POLN: variants seen among roughly 807,000 people sequenced by gnomAD.
POLN encodes the protein DNA polymerase nu.
In POLN, 108 loss-of-function variants were observed where a neutral mutation model predicts 113.5. The ratio of observed to expected loss-of-function variants is 0.95; its 90% CI spans 0.81 to 1.12. The LOEUF (loss-of-function observed/expected upper bound fraction) is 1.12, where lower values mean the gene tolerates loss of function less well. Among genes scored for constraint, POLN ranks in the 50% most tolerant of loss-of-function variants. The probability of loss-of-function intolerance (pLI) is 0.00; values close to 1 mark genes in which losing one functional copy is unlikely to be tolerated. For synonymous variants in POLN, 386 were observed against 391.5 expected (o/e 0.99, Z 0.17); for missense variants, 1,097 against 1,077.1 (o/e 1.02, Z -0.26).
intron 2 of POLN, chr4:2,239,092 A>C (rs771935271): frequency 1.0e-6 from 1 of 993,234 alleles, no homozygotes. Context: ...CTAAATTTGA[A>C]ATCATCTTAA....
In POLN at chr4:2,208,455, T is replaced by C. The variant is rs775822620; in HGVS notation, c.246A>G (p.Arg82=). The C allele has an allele frequency of 1.9e-6, 3 of 1,563,582 alleles. No homozygotes were observed. The highest frequency in any genetic ancestry group is 2.6e-6 in the Non-Finnish European group (3 of 1,161,856). ...ACTGAGGAGACAGCTTGGCAGAACC[T>C]CTTGATGTCTGACTTCTTAAAGATT... The part of the protein sequence containing the change: ...DLKSLRSQTS[R]GSAKLSPQSF... The change falls in exon 5 of 26, where the codon AGA becomes AGG. Residue 82 remains arginine, a synonymous_variant. Coordinates refer to ENST00000511885, the MANE Select transcript of POLN (RefSeq NM_181808.4).
intron 4 of POLN, among the ~76,000 whole-genome samples, chr4:2,211,216 T>G (rs1733984951): frequency 6.7e-6 from 1 of 148,244 alleles, no homozygotes; most frequent in Non-Finnish European, 1.5e-5. Context: ...ACCACTGCAC[T>G]CCAGTGCAGG....
chr4:2,072,011 CA>C lies in POLN; in HGVS notation c.*102del. On this transcript the variant is annotated 3_prime_UTR_variant, in exon 26 of 26. Transcript: ENST00000511885. The stretch of plus-strand genomic sequence containing the variant: ...AGGGGATGGCGGGCCACCCCAGCCC[CA>C]AAGGGTTAATGCGTCCTGGGGCGTA... 1 of 1,361,402 alleles carries C rather than the reference CA, an allele frequency of 7.3e-7. No homozygotes were observed. Among genetic ancestry groups the C allele is most frequent in the Non-Finnish European group, 1.1e-6 (1 of 951,354 alleles). 84.3% of individuals were successfully genotyped at this position (1,361,402 alleles called of 1,614,324 possible). A position where few individuals can be genotyped will look rare whatever the true frequency, so the allele number is the denominator to read the frequency against.
At chr4:2,086,253 T>C in intron 20 of POLN, among the ~76,000 whole-genome samples, 1 of 152,120 alleles carries the variant, frequency 6.6e-6, no homozygotes, top group South Asian at 2.1e-4. Context: ...GGCAGACGGA[T>C]CACTTGAGGC....
chr4:2,072,317 A>G lies in POLN; in HGVS notation c.2518-18T>C. 6.5e-7 allele frequency: 1 copy of G among 1,528,110 alleles called. No individual in the cohort carries two copies. The highest frequency in any genetic ancestry group is 1.3e-5 in the South Asian group (1 of 79,886). 94.7% of individuals were successfully genotyped at this position (1,528,110 alleles called of 1,614,324 possible). A position where few individuals can be genotyped will look rare whatever the true frequency, so the allele number is the denominator to read the frequency against. On this transcript the variant is annotated intron_variant, in intron 25 of 25. Coordinates refer to ENST00000511885, the MANE Select transcript of POLN (RefSeq NM_181808.4). ...AGGGGTACCTGCAGGTGGCAGCCAGAGGTGAGCCCCACGCCTGGGCCAGCC... is the reference window on the plus strand; with the variant it reads ...AGGGGTACCTGCAGGTGGCAGCCAGGGGTGAGCCCCACGCCTGGGCCAGCC...
intron 19 of POLN, among the ~76,000 whole-genome samples, chr4:2,105,267 C>T (rs1264866304): frequency 6.6e-6 from 1 of 152,116 alleles, no homozygotes; most frequent in Non-Finnish European, 1.5e-5. Flanking sequence ...GAGTCTGGAC[C>T]TTTTTATCAT....
chr4:2,162,749 G>A (rs1732630924), intron 13 of POLN, among the ~76,000 whole-genome samples: 1 of 151,936 alleles, frequency 6.6e-6, no homozygotes, highest in Admixed American at 6.6e-5. Context: ...GAGCCACCAT[G>A]CCCGGCCCGA....
Position 2,081,731 on chromosome 4 carries a change from G to C in POLN, c.2210C>G (p.Ser737Cys), listed in dbSNP as rs201998520. The change falls in exon 22 of 26, where the codon TCC becomes TGC. Residue 737 changes from serine (S) to cysteine (C), a missense_variant. Coordinates refer to ENST00000511885, the MANE Select transcript of POLN (RefSeq NM_181808.4). The part of the protein sequence containing the change: ...AQCHQTGCVV[S>C]IMGRRRPLPR... ...CAGGGGTCTCCTTCTGCCCATGATGGACACCACACAGCCTGAGTCACACAG... is the reference window on the plus strand; with the variant it reads ...CAGGGGTCTCCTTCTGCCCATGATGCACACCACACAGCCTGAGTCACACAG... 1 of 1,613,992 alleles carries C rather than the reference G, an allele frequency of 6.2e-7. No individual in the cohort carries two copies. Among genetic ancestry groups the C allele is most frequent in the Non-Finnish European group, 8.5e-7 (1 of 1,179,920 alleles).
At chr4:2,182,911 T>G (rs1043010030) in intron 7 of POLN, among the ~76,000 whole-genome samples, 5 of 151,646 alleles carry the variant, frequency 3.3e-5, no homozygotes, top group African/African-American at 1.2e-4. Context: ...AAATTGTATA[T>G]CTGACAATAA....
intron 19 of POLN, among the ~76,000 whole-genome samples, chr4:2,113,336 T>C (rs1731242905): frequency 6.6e-6 from 1 of 151,544 alleles, no homozygotes; most frequent in East Asian, 1.9e-4. Flanking sequence ...TATATACATA[T>C]GTAACAAACC....
At chr4:2,148,228 G>T (rs1732197586) in intron 16 of POLN, among the ~76,000 whole-genome samples, 1 of 152,066 alleles carries the variant, frequency 6.6e-6, no homozygotes, top group Non-Finnish European at 1.5e-5. Flanking sequence ...TATTCAAATT[G>T]AAACAGAAGA....
chr4:2,096,844 A>G (rs1487719036), intron 19 of POLN, among the ~76,000 whole-genome samples: 1 of 152,064 alleles, frequency 6.6e-6, no homozygotes, highest in African/African-American at 2.4e-5. Context: ...GCTCTACCTT[A>G]GCCTTCACTT....
chr4:2,181,565 A>G (rs1332527681), intron 7 of POLN, among the ~76,000 whole-genome samples: 1 of 152,222 alleles, frequency 6.6e-6, no homozygotes, highest in Non-Finnish European at 1.5e-5. Context: ...TGGATTCTGG[A>G]TAAAAAATGA....
chr4:2,117,424 A>G (rs1731344184), intron 19 of POLN, among the ~76,000 whole-genome samples: 1 of 152,236 alleles, frequency 6.6e-6, no homozygotes, highest in Admixed American at 6.5e-5. Context: ...TTATCCCCTC[A>G]CCATGGGTGA....
intron 9 of POLN, 84 bp from the exon 10 acceptor site, chr4:2,174,835 T>C: frequency 9.1e-7 from 1 of 1,097,666 alleles, no homozygotes; most frequent in East Asian, 2.6e-5. Flanking sequence ...TTTTTTTTTT[T>C]TTTTTGAGAC....
At chr4:2,161,845 G>GTC (rs1732601248) in intron 13 of POLN, among the ~76,000 whole-genome samples, 1 of 152,186 alleles carries the variant, frequency 6.6e-6, no homozygotes, top group Non-Finnish European at 1.5e-5. Context: ...AGCACCCTGT[G>GTC]TCTAGCTCAG....
intron 4 of POLN, among the ~76,000 whole-genome samples, chr4:2,210,852 C>G (rs1374129771): frequency 6.7e-6 from 1 of 148,998 alleles, no homozygotes; most frequent in Non-Finnish European, 1.5e-5. Flanking sequence ...ACCCAGGAGA[C>G]GGAGGTTGCA....
At chr4:2,210,007 T>TTA (rs139428211) in intron 4 of POLN, among the ~76,000 whole-genome samples, 24,183 of 146,070 alleles carry the variant, frequency 0.17, 3,178 homozygotes, top group African/African-American at 0.35. Context: ...TAAATTTACT[T>TTA]TATATATATA....
intron 19 of POLN, among the ~76,000 whole-genome samples, chr4:2,125,547 T>G (rs985979369): frequency 3.3e-5 from 5 of 152,170 alleles, no homozygotes; most frequent in African/African-American, 9.7e-5. Flanking sequence ...TGGACTCAGC[T>G]GCCACCACCT....
Sources: gnomAD v4.1 joint callset for allele counts (sites outside exome capture counted in the v4.1 genomes callset) on GRCh38, gnomAD v4.1.1 for gene constraint, MANE v1.5 for transcripts, NCBI Gene and HGNC (gene_info 2026-07-23, HGNC 2026-07-21) for gene names.